The following PDYN variants were observed in gnomAD, a reference collection of about 807,000 sequenced individuals.
PDYN encodes proenkephalin-B.
Under a neutral mutation model 11.4 loss-of-function variants are expected in PDYN, and 5 were observed. The ratio of observed to expected loss-of-function variants is 0.44; its 90% CI spans 0.23 to 0.92. The LOEUF is 0.92. Ranked by LOEUF, PDYN falls within the 40% of genes least tolerant of loss-of-function variation. The probability of loss-of-function intolerance (pLI) is 0.24; values close to 1 mark genes in which losing one functional copy is unlikely to be tolerated. For missense variants in PDYN, 337 were observed against 317.3 expected, an observed-to-expected ratio of 1.06 and a Z score of -0.47; for synonymous variants, 132 against 129.5, an observed-to-expected ratio of 1.02 and a Z score of -0.13.
chr20:1,990,390 G>A (rs1360331466), intron 2 of PDYN, among the ~76,000 whole-genome samples: 1 of 152,212 alleles, frequency 6.6e-6, no homozygotes, highest in Admixed American at 6.5e-5. Flanking sequence ...AAAGTGTAAA[G>A]TTCACCCTTG....
intron 2 of PDYN, among the ~76,000 whole-genome samples, chr20:1,991,657 A>T (rs1988454459): frequency 6.6e-6 from 1 of 152,240 alleles, no homozygotes. Flanking sequence ...GAGATGAGTG[A>T]ATACAGTGAG....
At chr20:1,982,147 C>A (rs932142005) in intron 3 of PDYN, among the ~76,000 whole-genome samples, 1 of 151,872 alleles carries the variant, frequency 6.6e-6, no homozygotes, top group Non-Finnish European at 1.5e-5. Flanking sequence ...GTCCCAGCCA[C>A]TCGGGAGGCT....
At chr20:1,982,475 G>C (rs28536675) in intron 3 of PDYN, among the ~76,000 whole-genome samples, 25,355 of 151,832 alleles carry the variant, frequency 0.17, 2,650 homozygotes, top group African/African-American at 0.31. Flanking sequence ...TAACTCAAAG[G>C]AAAGCCGACA....
intron 2 of PDYN, among the ~76,000 whole-genome samples, chr20:1,989,392 C>A (rs1267843727): frequency 1.3e-5 from 2 of 152,130 alleles, no homozygotes; most frequent in Admixed American, 6.5e-5. Context: ...TTGGTGCCAC[C>A]TCCTCCACAA....
chr20:1,983,954 C>A (rs929014067), intron 2 of PDYN, among the ~76,000 whole-genome samples: 2 of 152,080 alleles, frequency 1.3e-5, no homozygotes, highest in Non-Finnish European at 2.9e-5. Context: ...CCTGGAGAAC[C>A]CTTCATCTCC....
intron 2 of PDYN, among the ~76,000 whole-genome samples, chr20:1,990,662 C>A (rs1988393391): frequency 6.6e-6 from 1 of 152,074 alleles, no homozygotes; most frequent in Admixed American, 6.5e-5. Context: ...TGGGATCATT[C>A]ACTGCATATT....
intron 2 of PDYN, among the ~76,000 whole-genome samples, chr20:1,990,717 C>A (rs1428013998): frequency 6.6e-6 from 1 of 151,680 alleles, no homozygotes; most frequent in Non-Finnish European, 1.5e-5. Context: ...GAACCGCCAC[C>A]CTTTTTGTTA....
rs536626217 is a variant in PDYN, at chr20:1,983,005, G to C, written c.80C>G (p.Ser27Cys). ...STTADCLSRC[S>C]LCAVKTQDGP... ...ATCCTGGGTCTTTACAGCACACAAG[G>C]AGCACCGCGACAGGCAGTCCGCTGT... Residue 27 changes from serine to cysteine, a missense_variant, in exon 3 of 4, where the codon TCC becomes TGC. Coordinates refer to ENST00000217305, the MANE Select transcript of PDYN (RefSeq NM_024411.5). The C allele has an allele frequency of 5.0e-6, 8 of 1,614,074 alleles. No homozygotes were observed. The East Asian group carries it at 1.8e-4, about 36-fold the overall frequency.
At chr20:1,982,257 G>A (rs114784655) in intron 3 of PDYN, among the ~76,000 whole-genome samples, 2,931 of 152,034 alleles carry the variant, frequency 0.019, 78 homozygotes, top group African/African-American at 0.064. Flanking sequence ...ACCCTGTCTC[G>A]GAAAAATAAA....
rs1987543620 is a variant in PDYN, at chr20:1,978,955, C to T, written c.*1368G>A. On this transcript the variant is annotated 3_prime_UTR_variant, in exon 4 of 4. Transcript: ENST00000217305. The stretch of plus-strand genomic sequence containing the variant: ...CATGAAGAGATGTGCTCAGCAGCAT[C>T]TTATACAAATTATCCAGACTCAAGC... 6.6e-6 allele frequency: 1 copy of T among 152,182 alleles called. No homozygotes were observed. Among genetic ancestry groups the T allele is most frequent in the Non-Finnish European group, 1.5e-5 (1 of 68,042 alleles). The allele number at this position is 152,182 out of a possible 1,614,324, so 9.4% of individuals were successfully genotyped here.
intron 2 of PDYN, among the ~76,000 whole-genome samples, chr20:1,990,739 T>TA: frequency 6.6e-6 from 1 of 150,596 alleles, no homozygotes; most frequent in Admixed American, 6.6e-5. Flanking sequence ...CTGGTGCAAT[T>TA]AAGGGATGGG....
chr20:1,993,674 G>A (rs1256168778), intron 1 of PDYN: 5 of 152,240 alleles, frequency 3.3e-5, no homozygotes, highest in Non-Finnish European at 5.9e-5. Flanking sequence ...GGTCCTCTTG[G>A]GAGAGAGCTT....
intron 1 of PDYN, among the ~76,000 whole-genome samples, 156 bp from the exon 2 acceptor site, chr20:1,992,799 A>G (rs1988509139): frequency 1.3e-5 from 2 of 152,214 alleles, no homozygotes; most frequent in Admixed American, 1.3e-4. Context: ...ATGGATCTCG[A>G]CTGGGATGCC....
intron 2 of PDYN, among the ~76,000 whole-genome samples, chr20:1,989,915 T>C (rs1329740354): frequency 1.3e-5 from 2 of 152,106 alleles, no homozygotes; most frequent in Admixed American, 1.3e-4. Flanking sequence ...GCACTCCAGG[T>C]GCCTCCCGTG....
At chr20:1,991,286 C>T (rs1600533606) in intron 2 of PDYN, among the ~76,000 whole-genome samples, 2 of 152,324 alleles carry the variant, frequency 1.3e-5, no homozygotes, top group African/African-American at 4.8e-5. Context: ...AATGGCAGTT[C>T]AAGCCAATGC....
chr20:1,988,488 AGCC>A, intron 2 of PDYN, among the ~76,000 whole-genome samples: 1 of 152,180 alleles, frequency 6.6e-6, no homozygotes, highest in South Asian at 2.1e-4. Context: ...CATAAGAGAG[AGCC>A]CTGCCTGCCT....
In PDYN at chr20:1,992,069, T is replaced by C. The variant is rs114770136; in HGVS notation, c.-20+515A>G. ...ATCTGAGCAGTCATGCCAGTATTTA[T>C]TGAGCACCTACTGAATGCCAGGCAT... On this transcript the variant is annotated intron_variant, in intron 2 of 3. Coordinates refer to ENST00000217305, the MANE Select transcript of PDYN (RefSeq NM_024411.5). 3.3e-3 allele frequency among the ~76,000 whole-genome samples: 498 copies of C among 152,330 alleles called. 4 individuals are homozygous for C. Among genetic ancestry groups the C allele is most frequent in the African/African-American group, 0.011 (466 of 41,576 alleles).
chr20:1,991,439 C>T (rs1273073378), intron 2 of PDYN, among the ~76,000 whole-genome samples: 2 of 152,192 alleles, frequency 1.3e-5, no homozygotes, highest in Non-Finnish European at 2.9e-5. Flanking sequence ...CTGCCAGGAG[C>T]ATCAGTCTGG....
intron 3 of PDYN, among the ~76,000 whole-genome samples, chr20:1,981,735 G>T (rs1480109447): frequency 2.0e-5 from 3 of 151,836 alleles, no homozygotes; most frequent in African/African-American, 7.3e-5. Context: ...AGACCAGCCG[G>T]GCAGACATGG....
Sources: gnomAD v4.1 joint callset for allele counts (sites outside exome capture counted in the v4.1 genomes callset) on GRCh38, gnomAD v4.1.1 for gene constraint, MANE v1.5 for transcripts, NCBI Gene and HGNC (gene_info 2026-07-23, HGNC 2026-07-21) for gene names.